SEMA6D: variants seen among roughly 807,000 people sequenced by gnomAD.
The protein encoded by SEMA6D is semaphorin 6D.
SEMA6D carries 35 observed loss-of-function variants against 106.6 expected under a neutral mutation model. That is an observed-to-expected ratio of 0.33 (90% CI 0.25 to 0.44). The LOEUF (loss-of-function observed/expected upper bound fraction) is 0.44. Ranked by LOEUF, SEMA6D falls within the 20% of genes least tolerant of loss-of-function variation. SEMA6D has a pLI of 1.00. For missense variants in SEMA6D, 1,185 were observed against 1,345.9 expected (o/e 0.88, Z 1.87); for synonymous variants, 499 against 487.7 (o/e 1.02, Z -0.31).
chr15:47,654,794 G>A (rs1478718811), intron 4 of SEMA6D, among the ~76,000 whole-genome samples: 2 of 152,180 alleles, frequency 1.3e-5, no homozygotes, highest in African/African-American at 4.8e-5. Context: ...TAATGGTTAA[G>A]CTTATTGAGG....
intron 4 of SEMA6D, among the ~76,000 whole-genome samples, chr15:47,711,264 C>A (rs988576476): frequency 6.9e-6 from 1 of 145,130 alleles, no homozygotes; most frequent in Non-Finnish European, 1.5e-5. Context: ...GAGCCGAGAT[C>A]CCGCCACTGC....
intron 1 of SEMA6D, among the ~76,000 whole-genome samples, chr15:47,235,472 G>T (rs72731756): frequency 0.059 from 9,036 of 152,018 alleles, 391 homozygotes; most frequent in Non-Finnish European, 0.092. Context: ...GGGTCTTAAA[G>T]TCTTTGATCC....
At chr15:47,216,508 C>G (rs553725245) in intron 1 of SEMA6D, among the ~76,000 whole-genome samples, 1 of 151,972 alleles carries the variant, frequency 6.6e-6, no homozygotes. Context: ...TAAGAGGAAG[C>G]CAAATTGTAA....
In SEMA6D at chr15:47,701,184, C is replaced by T. The variant is rs144033700; in HGVS notation, c.-54-58561C>T. On this transcript the variant is annotated intron_variant, in intron 4 of 19. Coordinates refer to the SEMA6D transcript ENST00000558014. The stretch of plus-strand genomic sequence containing the variant: ...ACCAAGGATTGGGAAAATATATTCC[C>T]AAATGACATGTCTGATAAAGGACTG... Among the ~76,000 whole-genome samples the T allele has an allele frequency of 4.3e-4, 65 of 152,132 alleles. No homozygotes were observed. The East Asian group carries it at 0.011, about 26-fold the overall frequency.
intron 1 of SEMA6D, among the ~76,000 whole-genome samples, chr15:47,368,475 TA>T (rs1483340882): frequency 3.5e-5 from 3 of 85,386 alleles, no homozygotes; most frequent in African/African-American, 1.0e-4. Flanking sequence ...TTTATTTATT[TA>T]TTTATTTTTT....
chr15:47,411,377 G>C (rs536867803), intron 1 of SEMA6D, among the ~76,000 whole-genome samples: 1 of 152,152 alleles, frequency 6.6e-6, no homozygotes, highest in South Asian at 2.1e-4. Flanking sequence ...TTGAGTTCTT[G>C]TTTTAATATT....
At chr15:47,267,384 A>G (rs796851198) in intron 1 of SEMA6D, among the ~76,000 whole-genome samples, 60 of 151,934 alleles carry the variant, frequency 3.9e-4, no homozygotes, top group African/African-American at 1.4e-3. Context: ...AAAATTAAGT[A>G]ACTTATTAAG....
chr15:47,301,537 C>A (rs7178329), intron 1 of SEMA6D, among the ~76,000 whole-genome samples: 88,852 of 152,120 alleles, frequency 0.58, 26,877 homozygotes, highest in East Asian at 0.84. Context: ...CCTGAAGGTC[C>A]CTAGGCAGAT....
chr15:47,547,969 A>T (rs1312791622), intron 3 of SEMA6D, among the ~76,000 whole-genome samples: 1 of 152,152 alleles, frequency 6.6e-6, no homozygotes, highest in Non-Finnish European at 1.5e-5. Context: ...CTCTAAAATG[A>T]AAACATGTTT....
intron 1 of SEMA6D, among the ~76,000 whole-genome samples, chr15:47,304,593 G>T (rs889502848): frequency 1.3e-5 from 2 of 152,072 alleles, no homozygotes; most frequent in African/African-American, 2.4e-5. Flanking sequence ...TCCGTATTAG[G>T]AATGTCCCAA....
Position 47,197,247 on chromosome 15 carries a change from G to C in SEMA6D, c.-239+12829G>C, listed in dbSNP as rs73397042. On this transcript the variant is annotated intron_variant, in intron 1 of 19. Transcript: ENST00000558014. Reference sequence around the variant, plus strand: ...TCCTAGCCTGTGATGATTTGATGCTGTACCCTGTATACGAGGTTATCTTCC... The same window carrying C: ...TCCTAGCCTGTGATGATTTGATGCTCTACCCTGTATACGAGGTTATCTTCC... 6.6e-3 allele frequency among the ~76,000 whole-genome samples: 1,003 copies of C among 152,200 alleles called. 4 individuals are homozygous for C. Among genetic ancestry groups the C allele is most frequent in the African/African-American group, 0.023 (963 of 41,540 alleles).
At chr15:47,401,550 C>T (rs1322850041) in intron 1 of SEMA6D, among the ~76,000 whole-genome samples, 1 of 152,126 alleles carries the variant, frequency 6.6e-6, no homozygotes, top group Non-Finnish European at 1.5e-5. Flanking sequence ...TTCTTCCTTC[C>T]ACCTGCTCAC....
chr15:47,191,055 C>A (rs981684517), intron 1 of SEMA6D, among the ~76,000 whole-genome samples: 12 of 152,070 alleles, frequency 7.9e-5, no homozygotes, highest in African/African-American at 2.9e-4. Flanking sequence ...CGCCTGTACT[C>A]CCCACAAGTG....
intron 1 of SEMA6D, chr15:47,397,640 T>C (rs1046121506): frequency 1.3e-5 from 2 of 152,224 alleles, no homozygotes; most frequent in Admixed American, 6.5e-5. Flanking sequence ...GTTTTATTTC[T>C]GTAAATAATT....
intron 1 of SEMA6D, among the ~76,000 whole-genome samples, chr15:47,286,323 C>G (rs2142700411): frequency 6.6e-6 from 1 of 152,074 alleles, no homozygotes; most frequent in South Asian, 2.1e-4. Flanking sequence ...AACTTTTGGT[C>G]TCAGTACACC....
Position 47,763,048 on chromosome 15 carries a change from A to G in SEMA6D, c.691A>G (p.Asn231Asp). 6.2e-7 allele frequency: 1 copy of G among 1,612,230 alleles called. No homozygotes were observed. Among genetic ancestry groups the G allele is most frequent in the Non-Finnish European group, 8.5e-7 (1 of 1,179,118 alleles). Reference sequence around the variant, plus strand: ...CTTTCTTCATGCCATAGAATATGGAAACTATGTCTATTTCTTCTTTCGAGA... The same window carrying G: ...CTTTCTTCATGCCATAGAATATGGAGACTATGTCTATTTCTTCTTTCGAGA... The part of the protein sequence containing the change: ...PHFLHAIEYG[N>D]YVYFFFREIA... The change falls in exon 9 of 19, where the codon AAC becomes GAC. Residue 231 changes from asparagine (N) to aspartate (D), a missense_variant. Physicochemically the swap from Asn to Asp is conservative, Grantham distance 23. Transcript: ENST00000536845.
At chr15:47,528,076 C>A (rs2044823140) in intron 3 of SEMA6D, among the ~76,000 whole-genome samples, 1 of 152,124 alleles carries the variant, frequency 6.6e-6, no homozygotes, top group Admixed American at 6.5e-5. Context: ...TGACTACACC[C>A]AGAACAAAAC....
chr15:47,487,035 C>T (rs193121792), intron 3 of SEMA6D, among the ~76,000 whole-genome samples: 12 of 152,140 alleles, frequency 7.9e-5, no homozygotes, highest in African/African-American at 2.9e-4. Context: ...TGAGGCAAGG[C>T]AATATTAAAT....
At chr15:47,307,232 T>C (rs1427522647) in intron 1 of SEMA6D, among the ~76,000 whole-genome samples, 1 of 152,248 alleles carries the variant, frequency 6.6e-6, no homozygotes, top group Non-Finnish European at 1.5e-5. Flanking sequence ...TATTAACAAA[T>C]TCCTTGTTGT....
Sources: gnomAD v4.1 joint callset for allele counts (sites outside exome capture counted in the v4.1 genomes callset) on GRCh38, gnomAD v4.1.1 for gene constraint, MANE v1.5 for transcripts, NCBI Gene and HGNC (gene_info 2026-07-23, HGNC 2026-07-21) for gene names.